HMCN1: variants seen among roughly 807,000 people sequenced by gnomAD.
HMCN1 encodes hemicentin-1.
HMCN1 carries 321 observed loss-of-function variants against 625.9 expected under a neutral mutation model. The observed-to-expected ratio is 0.51, with a 90% CI of 0.47 to 0.56. The LOEUF is 0.56. Among genes scored for constraint, HMCN1 ranks in the 20% least tolerant of loss-of-function variants. The probability of loss-of-function intolerance (pLI) is 0.00; values close to 1 mark genes in which losing one functional copy is unlikely to be tolerated. For synonymous variants in HMCN1, 2,425 were observed against 2,417.6 expected, an observed-to-expected ratio of 1.00 and a Z score of -0.09; for missense variants, 6,588 against 6,887.3, an observed-to-expected ratio of 0.96 and a Z score of 1.54.
intron 11 of HMCN1, among the ~76,000 whole-genome samples, chr1:185,945,224 G>A (rs1379765115): frequency 1.3e-5 from 2 of 152,172 alleles, no homozygotes; most frequent in East Asian, 3.9e-4. Flanking sequence ...TGGTAGATAA[G>A]GATTATGACA....
intron 28 of HMCN1, 51 bp downstream of exon 28, chr1:186,001,792 T>A: frequency 7.0e-7 from 1 of 1,429,740 alleles, no homozygotes; most frequent in Non-Finnish European, 9.8e-7. Context: ...ATTTCTTACC[T>A]AAAATAGAGC....
intron 69 of HMCN1, among the ~76,000 whole-genome samples, chr1:186,104,558 T>G (rs1341719930): frequency 6.6e-6 from 1 of 152,214 alleles, no homozygotes; most frequent in Non-Finnish European, 1.5e-5. Flanking sequence ...CCTGTTGTGT[T>G]CATCTCTGTG....
At chr1:186,061,545 G>A (rs1004614724) in intron 46 of HMCN1, among the ~76,000 whole-genome samples, 19 of 152,204 alleles carry the variant, frequency 1.2e-4, no homozygotes, top group Middle Eastern at 3.4e-3. Flanking sequence ...CTCAACTCGT[G>A]TTAAAATATA....
intron 4 of HMCN1, among the ~76,000 whole-genome samples, chr1:185,887,497 C>G (rs139312793): frequency 0.063 from 9,528 of 150,508 alleles, 1,071 homozygotes; most frequent in African/African-American, 0.22. Context: ...GTGATTTTCC[C>G]CTTCCTGTGT....
At chr1:185,749,721 A>C (rs1437028622) in intron 1 of HMCN1, among the ~76,000 whole-genome samples, 1 of 152,212 alleles carries the variant, frequency 6.6e-6, no homozygotes, top group Non-Finnish European at 1.5e-5. Context: ...AGCCTGAGCC[A>C]CTTTAACTGC....
At chr1:186,039,502 C>G (rs942884789) in intron 38 of HMCN1, among the ~76,000 whole-genome samples, 1 of 151,958 alleles carries the variant, frequency 6.6e-6, no homozygotes, top group African/African-American at 2.4e-5. Flanking sequence ...ACTGGCAAAA[C>G]TTGTTTTTCC....
chr1:185,860,177 A>T (rs1297186631), intron 2 of HMCN1, among the ~76,000 whole-genome samples: 2 of 152,192 alleles, frequency 1.3e-5, no homozygotes, highest in African/African-American at 2.4e-5. Context: ...GTTAACATTT[A>T]CTTTTAATTT....
Position 186,165,136 on chromosome 1 carries a change from C to A in HMCN1, c.15282C>A (p.Ser5094=). 1.2e-6 allele frequency: 2 copies of A among 1,614,030 alleles called. No homozygotes were observed. Among genetic ancestry groups the A allele is most frequent in the Non-Finnish European group, 1.7e-6 (2 of 1,179,986 alleles). ...SKGDRSNQCP[S]GFTLDSVGPF... ...GAGATCGCAGTAATCAGTGCCCCTC[C>A]GGGTTTACCTTAGACTCAGTTGGAC... Residue 5094 remains serine (S), a synonymous_variant, in exon 98 of 107, where the codon TCC becomes TCA. Coordinates refer to ENST00000271588, the MANE Select transcript of HMCN1 (RefSeq NM_031935.3).
At chr1:186,120,926 A>C (rs971570471) in intron 80 of HMCN1, among the ~76,000 whole-genome samples, 1 of 152,198 alleles carries the variant, frequency 6.6e-6, no homozygotes, top group Non-Finnish European at 1.5e-5. Flanking sequence ...GATGTATGCT[A>C]TATAGAGGAA....
intron 55 of HMCN1, 97 bp downstream of exon 55, chr1:186,078,317 A>G: frequency 1.2e-6 from 1 of 836,610 alleles, no homozygotes; most frequent in East Asian, 2.6e-5. Flanking sequence ...TTTTGAGACT[A>G]TAAAGATAAC....
intron 6 of HMCN1, 117 bp downstream of exon 6, chr1:185,911,897 A>G (rs1666445333): frequency 1.3e-6 from 1 of 788,800 alleles, no homozygotes; most frequent in South Asian, 1.4e-5. Flanking sequence ...AGTGCTTGTA[A>G]TAAAAAGCAA....
chr1:185,866,778 T>C (rs1335238118), intron 4 of HMCN1, among the ~76,000 whole-genome samples: 1 of 152,172 alleles, frequency 6.6e-6, no homozygotes, highest in Admixed American at 6.5e-5. Context: ...TAAACCTGTT[T>C]ATGTATTTGA....
At chr1:186,102,656 A>G (rs1660436241) in intron 68 of HMCN1, among the ~76,000 whole-genome samples, 1 of 152,148 alleles carries the variant, frequency 6.6e-6, no homozygotes, top group African/African-American at 2.4e-5. Flanking sequence ...TATGTGCCTT[A>G]TTAAAGAAAA....
chr1:185,933,734 AGT>A lies in HMCN1; in HGVS notation c.1742_1743del (p.Val581GlufsTer14), dbSNP rs1443985032. 1 of 1,613,954 alleles carries A rather than the reference AGT, an allele frequency of 6.2e-7. No individual in the cohort carries two copies. The highest frequency in any genetic ancestry group is 8.5e-7 in the Non-Finnish European group (1 of 1,179,856). On this transcript the variant is annotated frameshift_variant, in exon 11 of 107. Coordinates refer to ENST00000271588, the MANE Select transcript of HMCN1 (RefSeq NM_031935.3). LOFTEE classifies it high-confidence loss of function. ...GGCTAATCTGTCATTGGAGCTAAAGAGTGTGAAATTCAACGATGCTGGAGAGT... is the reference window on the plus strand; with the variant it reads ...GGCTAATCTGTCATTGGAGCTAAAGAGTGAAATTCAACGATGCTGGAGAGT... ...TLANLSLELKSVKFNDAGEYH... is the reference protein window; with the variant it reads ...TLANLSLELKXVKFNDAGEYH...
At chr1:185,901,242 G>A (rs1665787092) in intron 4 of HMCN1, among the ~76,000 whole-genome samples, 1 of 151,518 alleles carries the variant, frequency 6.6e-6, no homozygotes, top group African/African-American at 2.4e-5. Context: ...AAATTATTAC[G>A]ACCTAGGCCC....
intron 4 of HMCN1, among the ~76,000 whole-genome samples, chr1:185,887,670 G>A (rs1384994317): frequency 6.9e-6 from 1 of 145,084 alleles, no homozygotes; most frequent in Middle Eastern, 3.4e-3. Context: ...GTATTCCATG[G>A]TGTATATGTG....
chr1:185,818,768 C>T (rs1458327667), intron 1 of HMCN1, among the ~76,000 whole-genome samples: 1 of 152,068 alleles, frequency 6.6e-6, no homozygotes, highest in Non-Finnish European at 1.5e-5. Flanking sequence ...CCATTCTGTA[C>T]CTTCAAAAAC....
intron 7 of HMCN1, among the ~76,000 whole-genome samples, 180 bp from the exon 8 acceptor site, chr1:185,923,210 T>C (rs576902191): frequency 6.6e-6 from 1 of 152,304 alleles, no homozygotes; most frequent in Admixed American, 6.5e-5. Context: ...TTTCTTAGGA[T>C]TTCCTAAGTT....
intron 1 of HMCN1, among the ~76,000 whole-genome samples, chr1:185,750,744 C>G (rs185520293): frequency 2.0e-5 from 3 of 151,962 alleles, no homozygotes; most frequent in Non-Finnish European, 4.4e-5. Context: ...AGACTTATTT[C>G]TATGATCTTA....
Sources: gnomAD v4.1 joint callset for allele counts (sites outside exome capture counted in the v4.1 genomes callset) on GRCh38, gnomAD v4.1.1 for gene constraint, MANE v1.5 for transcripts, NCBI Gene and HGNC (gene_info 2026-07-23, HGNC 2026-07-21) for gene names.